RBM20: variants seen among roughly 807,000 people sequenced by gnomAD.
RBM20 encodes the protein RNA-binding protein 20.
A neutral mutation model predicts 110.1 loss-of-function variants in RBM20; 51 were observed. The ratio of observed to expected loss-of-function variants is 0.46; its 90% confidence interval spans 0.37 to 0.59. The LOEUF (loss-of-function observed/expected upper bound fraction) is 0.59, where lower values mean the gene tolerates loss of function less well. Among genes scored for constraint, RBM20 ranks in the 20% least tolerant of loss-of-function variants. The pLI, the probability that RBM20 is intolerant of heterozygous loss-of-function variation, is 0.00. For synonymous variants in RBM20, 589 were observed against 618.2 expected (o/e 0.95, Z 0.70); for missense variants, 1,512 against 1,574.9 (o/e 0.96, Z 0.68).
At chr10:110,713,689 C>T (rs1196636623) in intron 1 of RBM20, among the ~76,000 whole-genome samples, 2 of 152,214 alleles carry the variant, frequency 1.3e-5, no homozygotes, top group African/African-American at 4.8e-5. Flanking sequence ...GACTCACATT[C>T]ATCAATTTAA....
intron 1 of RBM20, among the ~76,000 whole-genome samples, chr10:110,711,412 A>G (rs1324454805): frequency 1.3e-5 from 2 of 151,222 alleles, no homozygotes; most frequent in Admixed American, 1.3e-4. Context: ...CTTTACCCCA[A>G]GCTACCACCA....
At chr10:110,684,919 A>C (rs759993422) in intron 1 of RBM20, among the ~76,000 whole-genome samples, 1 of 152,248 alleles carries the variant, frequency 6.6e-6, no homozygotes, top group Non-Finnish European at 1.5e-5. Flanking sequence ...AATGTGAAGG[A>C]GACAAGTAAA....
chr10:110,785,180 T>C (rs1844405594), intron 5 of RBM20, among the ~76,000 whole-genome samples: 1 of 152,218 alleles, frequency 6.6e-6, no homozygotes, highest in Non-Finnish European at 1.5e-5. Context: ...CAGCACTGTG[T>C]TCTTCATGCT....
At chr10:110,738,562 G>C (rs1326074274) in intron 1 of RBM20, among the ~76,000 whole-genome samples, 1 of 152,154 alleles carries the variant, frequency 6.6e-6, no homozygotes, top group Non-Finnish European at 1.5e-5. Context: ...ATGACAGGGA[G>C]CTTACGAAAC....
intron 1 of RBM20, among the ~76,000 whole-genome samples, chr10:110,675,370 C>T (rs1266909361): frequency 6.6e-6 from 1 of 152,164 alleles, no homozygotes; most frequent in Admixed American, 6.5e-5. Flanking sequence ...TGGCCTTTAC[C>T]ACAACCAGCA....
At chr10:110,767,662 G>A (rs1424156179) in intron 1 of RBM20, among the ~76,000 whole-genome samples, 1 of 151,350 alleles carries the variant, frequency 6.6e-6, no homozygotes, top group African/African-American at 2.4e-5. Context: ...GGTCACGGCC[G>A]GGTAGAGGCG....
chr10:110,671,211 A>G (rs951770840), intron 1 of RBM20, among the ~76,000 whole-genome samples: 2 of 152,210 alleles, frequency 1.3e-5, no homozygotes, highest in Admixed American at 6.5e-5. Context: ...CAAAGTTATT[A>G]TTCACCTACT....
chr10:110,820,279 C>A, intron 10 of RBM20, 103 bp downstream of exon 10: 1 of 725,948 alleles, frequency 1.4e-6, no homozygotes, highest in Non-Finnish European at 2.3e-6. Flanking sequence ...TGGCTGAGAC[C>A]CCACCATTAG....
chr10:110,709,804 C>T (rs1182594107), intron 1 of RBM20, among the ~76,000 whole-genome samples: 1 of 152,012 alleles, frequency 6.6e-6, no homozygotes, highest in Non-Finnish European at 1.5e-5. Context: ...CTCCTGGACT[C>T]AAGCAATTCT....
chr10:110,753,007 C>T (rs1459101022), intron 1 of RBM20, among the ~76,000 whole-genome samples: 4 of 142,746 alleles, frequency 2.8e-5, no homozygotes, highest in South Asian at 2.2e-4. Flanking sequence ...AGTGAGATCT[C>T]GGCTCACTGC....
At position 110,810,237 on chromosome 10, in the gene RBM20, G is replaced by T. The variant is rs73358993; in HGVS notation, c.1801-146G>T. 631 of 634,776 alleles carry T rather than the reference G, an allele frequency of 9.9e-4. 6 individuals are homozygous for T. The African/African-American group carries it at 0.01, about 10-fold the overall frequency. The allele number at this position is 634,776 out of a possible 1,614,324, so 39.3% of individuals were successfully genotyped here. ...TTCAGCATTATACTCACACTCATCC[G>T]TTGGATTACACCTTTTGTCTTCCCC... On this transcript the variant is annotated intron_variant, in intron 7 of 13. Transcript: ENST00000369519.
In RBM20 at chr10:110,739,845, C is replaced by A. The variant is rs115432854; in HGVS notation, c.192-40956C>A. Among the ~76,000 whole-genome samples, 2 of 152,218 alleles carry A rather than the reference C, an allele frequency of 1.3e-5. No individual in the cohort carries two copies. Among genetic ancestry groups the A allele is most frequent in the Admixed American group, 6.5e-5 (1 of 15,282 alleles). On this transcript the variant is annotated intron_variant, in intron 1 of 13. Coordinates refer to ENST00000369519, the MANE Select transcript of RBM20 (RefSeq NM_001134363.3). The surrounding 1 kb of genome is among the most constrained non-coding windows in gnomAD (Gnocchi z 4.1). ...GTCATGAAGGCATGAGGCTTCTGTGCGACCTGGGTGACTAACACAGCCCAC... is the reference window on the plus strand; with the variant it reads ...GTCATGAAGGCATGAGGCTTCTGTGAGACCTGGGTGACTAACACAGCCCAC...
chr10:110,832,164 C>T (rs963196252), intron 13 of RBM20, among the ~76,000 whole-genome samples: 1 of 152,080 alleles, frequency 6.6e-6, no homozygotes, highest in Non-Finnish European at 1.5e-5. Context: ...TAACTTCTGG[C>T]ATGGGCTAGG....
intron 1 of RBM20, among the ~76,000 whole-genome samples, chr10:110,675,088 G>A (rs537363667): frequency 8.6e-5 from 13 of 152,014 alleles, no homozygotes; most frequent in African/African-American, 3.1e-4. Flanking sequence ...CAATTTGTCT[G>A]GAAGAAGAAC....
intron 1 of RBM20, among the ~76,000 whole-genome samples, chr10:110,721,626 C>T (rs932615222): frequency 2.0e-5 from 3 of 152,166 alleles, no homozygotes; most frequent in African/African-American, 4.8e-5. Context: ...TGCAGCCTCC[C>T]TAATTGGTGT....
chr10:110,803,093 C>T (rs549036977), intron 7 of RBM20, among the ~76,000 whole-genome samples: 36 of 152,052 alleles, frequency 2.4e-4, no homozygotes, highest in Non-Finnish European at 4.4e-4. Context: ...TAATGTATAC[C>T]TTTAATTGAG....
intron 1 of RBM20, among the ~76,000 whole-genome samples, chr10:110,668,451 G>A (rs924863963): frequency 5.3e-5 from 8 of 152,132 alleles, no homozygotes; most frequent in African/African-American, 1.9e-4. Context: ...CCCCTAATTG[G>A]CACATATTTT....
intron 2 of RBM20, among the ~76,000 whole-genome samples, chr10:110,782,891 T>G (rs1442018518): frequency 6.6e-6 from 1 of 152,192 alleles, no homozygotes; most frequent in Non-Finnish European, 1.5e-5. Flanking sequence ...TGACCTCTAG[T>G]CTTGGGAGGG....
At position 110,820,119 on chromosome 10, in the gene RBM20, G is replaced by A. The variant is rs1408794473; in HGVS notation, c.2598G>A (p.Val866=). ...QEGMEESPQS[V]GRQEKEAEFS... ...GCATGGAAGAAAGCCCTCAATCAGT[G>A]GGCAGACAGGAGAAAGAAGCAGAGT... is the stretch of plus-strand genomic sequence containing the variant. Residue 866 remains valine (V), a synonymous_variant, in exon 10 of 14, where the codon GTG becomes GTA. Transcript: ENST00000369519. 4 of 1,551,420 alleles carry A rather than the reference G, an allele frequency of 2.6e-6. No homozygotes were observed.
Sources: allele counts gnomAD v4.1 joint callset (sites outside exome capture counted in the v4.1 genomes callset), GRCh38; gene constraint gnomAD v4.1.1; non-coding constraint Gnocchi (gnomAD v3.1); transcripts MANE v1.5; gene names NCBI Gene and HGNC (gene_info 2026-07-23, HGNC 2026-07-21).